Variants in SLC41A2 observed in about 807,000 individuals in gnomAD.
The protein encoded by SLC41A2 is solute carrier family 41 member 2, also known as SLC41A1-like 1.
A neutral mutation model predicts 58.3 loss-of-function variants in SLC41A2; 32 were observed. The ratio of observed to expected loss-of-function variants is 0.55; its 90% confidence interval spans 0.41 to 0.74. The LOEUF (loss-of-function observed/expected upper bound fraction) is 0.74, where lower values mean the gene tolerates loss of function less well. SLC41A2 is among the 30% of genes least tolerant of loss of function. The pLI is 0.00. For missense variants in SLC41A2, 514 were observed against 680.6 expected, an observed-to-expected ratio of 0.76 and a Z score of 2.72; for synonymous variants, 190 against 235.0, an observed-to-expected ratio of 0.81 and a Z score of 1.75.
At position 104,816,975 on chromosome 12, in the gene SLC41A2, G is replaced by C. The variant is rs114687491; in HGVS notation, c.1537-11638C>G. Among the ~76,000 whole-genome samples, 198 of 152,238 alleles carry C rather than the reference G, an allele frequency of 1.3e-3. 1 individual carries two copies. Among genetic ancestry groups the C allele is most frequent in the African/African-American group, 4.7e-3 (194 of 41,538 alleles). On this transcript the variant is annotated intron_variant, in intron 10 of 10. Transcript: ENST00000258538. ...CAATTATGCTTTGCTTAATAACAGGGATACATTCTGAGAAATGCATCGTTA... is the reference window on the plus strand; with the variant it reads ...CAATTATGCTTTGCTTAATAACAGGCATACATTCTGAGAAATGCATCGTTA...
intron 8 of SLC41A2, among the ~76,000 whole-genome samples, chr12:104,847,430 C>T (rs893958007): frequency 2.0e-5 from 3 of 151,596 alleles, no homozygotes; most frequent in East Asian, 1.9e-4. Context: ...GCTGAAACCC[C>T]GTCTCTACTA....
intron 3 of SLC41A2, 103 bp from the exon 4 acceptor site, chr12:104,895,448 T>C (rs183055018): frequency 5.3e-6 from 4 of 757,434 alleles, no homozygotes; most frequent in African/African-American, 3.5e-5. Flanking sequence ...AATTCTTCAG[T>C]AAATCCAATG....
At chr12:104,891,673 T>C (rs2044980480) in intron 4 of SLC41A2, among the ~76,000 whole-genome samples, 1 of 151,810 alleles carries the variant, frequency 6.6e-6, no homozygotes. Context: ...TTTTTTAACA[T>C]ACTACTAGAA....
At chr12:104,932,646 AGAT>A (rs1350899628) in intron 1 of SLC41A2, among the ~76,000 whole-genome samples, 1 of 149,794 alleles carries the variant, frequency 6.7e-6, no homozygotes, top group African/African-American at 2.4e-5. Flanking sequence ...AAAAAAAAAA[AGAT>A]ATAGTAACCA....
chr12:104,888,774 G>A (rs1336484373), intron 5 of SLC41A2, among the ~76,000 whole-genome samples: 5 of 152,080 alleles, frequency 3.3e-5, no homozygotes, highest in Admixed American at 1.3e-4. Flanking sequence ...ATGTCTAGGC[G>A]ATTTTCCTGA....
chr12:104,838,665 T>G (rs150471470), intron 10 of SLC41A2, among the ~76,000 whole-genome samples: 218 of 152,340 alleles, frequency 1.4e-3, no homozygotes, highest in Middle Eastern at 0.01. Flanking sequence ...AAAAAGAATC[T>G]ATTAAAGCAC....
intron 1 of SLC41A2, among the ~76,000 whole-genome samples, chr12:104,947,299 G>A (rs909725981): frequency 4.0e-5 from 6 of 149,220 alleles, no homozygotes; most frequent in African/African-American, 1.5e-4. Flanking sequence ...CACCTCCTGG[G>A]TTCAAGCAAT....
At chr12:104,841,859 C>T (rs2042422205) in intron 10 of SLC41A2, among the ~76,000 whole-genome samples, 1 of 152,012 alleles carries the variant, frequency 6.6e-6, no homozygotes, top group Non-Finnish European at 1.5e-5. Flanking sequence ...TATATCATGT[C>T]CTGTGGGGAA....
At chr12:104,825,020 C>T (rs1019675912) in intron 10 of SLC41A2, among the ~76,000 whole-genome samples, 4 of 114,428 alleles carry the variant, frequency 3.5e-5, no homozygotes, top group Non-Finnish European at 6.4e-5. Flanking sequence ...TCAAAACCCC[C>T]AGACTTTGTC....
intron 2 of SLC41A2, among the ~76,000 whole-genome samples, chr12:104,922,210 T>C (rs937471329): frequency 6.6e-6 from 1 of 152,144 alleles, no homozygotes; most frequent in Non-Finnish European, 1.5e-5. Context: ...AATTCTCCAA[T>C]GAAAAGGCAT....
intron 10 of SLC41A2, among the ~76,000 whole-genome samples, chr12:104,820,469 T>TAACAA (rs750706417): frequency 7.2e-5 from 11 of 152,290 alleles, no homozygotes; most frequent in African/African-American, 2.4e-4. Flanking sequence ...TCTCTTTTAA[T>TAACAA]AACAAAACAA....
intron 10 of SLC41A2, among the ~76,000 whole-genome samples, chr12:104,832,104 A>T (rs1438495084): frequency 1.3e-5 from 2 of 152,174 alleles, no homozygotes; most frequent in African/African-American, 4.8e-5. Flanking sequence ...GTTCTTCAGC[A>T]TACCTTCAGA....
At chr12:104,923,204 C>CAAA (rs1267157553) in intron 2 of SLC41A2, among the ~76,000 whole-genome samples, 2 of 107,976 alleles carry the variant, frequency 1.9e-5, no homozygotes, top group Non-Finnish European at 2.1e-5. Flanking sequence ...CTACTAAAAG[C>CAAA]ACAAAAAATT....
At chr12:104,911,866 C>T (rs2046102650) in intron 2 of SLC41A2, among the ~76,000 whole-genome samples, 1 of 152,140 alleles carries the variant, frequency 6.6e-6, no homozygotes, top group Non-Finnish European at 1.5e-5. Context: ...TAAAAACTAA[C>T]CAGCAAACGA....
intron 10 of SLC41A2, among the ~76,000 whole-genome samples, chr12:104,826,551 GT>G (rs1394686277): frequency 1.3e-5 from 2 of 152,102 alleles, no homozygotes; most frequent in Non-Finnish European, 2.9e-5. Flanking sequence ...GCTCCTCTGG[GT>G]CCACCCCAAC....
At chr12:104,828,187 C>A (rs1216394171) in intron 10 of SLC41A2, among the ~76,000 whole-genome samples, 3 of 152,168 alleles carry the variant, frequency 2.0e-5, no homozygotes, top group Non-Finnish European at 2.9e-5. Context: ...CCGACAGGCA[C>A]CGGCATGCTG....
chr12:104,868,384 G>A (rs2043580743), intron 6 of SLC41A2, among the ~76,000 whole-genome samples: 1 of 152,164 alleles, frequency 6.6e-6, no homozygotes, highest in African/African-American at 2.4e-5. Context: ...CACCCTGCTA[G>A]ACTTTAAAGA....
At chr12:104,851,465 C>T (rs1467791281) in intron 8 of SLC41A2, among the ~76,000 whole-genome samples, 2 of 152,062 alleles carry the variant, frequency 1.3e-5, no homozygotes, top group Non-Finnish European at 2.9e-5. Context: ...CTCACTGCAA[C>T]GTCGAACTCC....
intron 10 of SLC41A2, among the ~76,000 whole-genome samples, chr12:104,839,194 T>C (rs2042318725): frequency 1.3e-5 from 2 of 152,182 alleles, no homozygotes; most frequent in African/African-American, 4.8e-5. Flanking sequence ...TTACTAATAA[T>C]ATTAACAAAT....
Sources: gnomAD v4.1 joint callset for allele counts (sites outside exome capture counted in the v4.1 genomes callset) on GRCh38, gnomAD v4.1.1 for gene constraint, MANE v1.5 for transcripts, NCBI Gene and HGNC (gene_info 2026-07-23, HGNC 2026-07-21) for gene names.